Variants in STK39 observed in about 807,000 individuals in gnomAD.
STK39 encodes STE20/SPS1-related proline-alanine-rich protein kinase.
In STK39, 20 loss-of-function variants were observed where a neutral mutation model predicts 77.8. That is an observed-to-expected ratio of 0.26 (90% CI 0.18 to 0.37). STK39 has a LOEUF of 0.37. Among genes scored for constraint, STK39 ranks in the 10% least tolerant of loss-of-function variants. STK39 has a pLI of 1.00. For synonymous variants in STK39, 246 were observed against 234.1 expected, an observed-to-expected ratio of 1.05 and a Z score of -0.47; for missense variants, 479 against 656.5, an observed-to-expected ratio of 0.73 and a Z score of 2.95.
chr2:167,960,287 C>T (rs755501441), intron 17 of STK39, among the ~76,000 whole-genome samples: 21 of 152,020 alleles, frequency 1.4e-4, no homozygotes, highest in Non-Finnish European at 1.8e-4. Context: ...GATGAACCCT[C>T]GTCCCAGCCC....
At chr2:168,165,352 C>A (rs1046107984) in intron 3 of STK39, among the ~76,000 whole-genome samples, 8 of 148,128 alleles carry the variant, frequency 5.4e-5, no homozygotes, top group African/African-American at 1.6e-4. Context: ...AGAAGATTCT[C>A]AGCTTCATAA....
At chr2:168,235,385 A>G (rs1483558183) in intron 1 of STK39, among the ~76,000 whole-genome samples, 1 of 152,108 alleles carries the variant, frequency 6.6e-6, no homozygotes, top group Non-Finnish European at 1.5e-5. Flanking sequence ...ACCAACAAGG[A>G]AACAATGTGA....
intron 14 of STK39, 39 bp downstream of exon 14, chr2:168,063,461 T>C (rs199872909): frequency 6.5e-6 from 10 of 1,550,018 alleles, no homozygotes; most frequent in South Asian, 4.7e-5. Flanking sequence ...AATTGTACTA[T>C]AGGAAAAACA....
Position 168,231,288 on chromosome 2 carries a change from T to C in STK39, c.208+15940A>G, listed in dbSNP as rs76982537. Reference sequence around the variant, plus strand: ...TTAGAAAATTAGTCTCATTTCTTCATAGGAGGACTGACAGAAATGGCTAAG... The same window carrying C: ...TTAGAAAATTAGTCTCATTTCTTCACAGGAGGACTGACAGAAATGGCTAAG... On this transcript the variant is annotated intron_variant, in intron 1 of 17. Transcript: ENST00000355999. Among the ~76,000 whole-genome samples the C allele has an allele frequency of 4.2e-3, 633 of 152,248 alleles. 16 individuals carry two copies. In the East Asian group the frequency reaches 0.067, roughly 16 times the overall value.
intron 17 of STK39, among the ~76,000 whole-genome samples, chr2:167,962,168 G>A (rs1204783806): frequency 6.6e-6 from 1 of 152,146 alleles, no homozygotes; most frequent in Non-Finnish European, 1.5e-5. Context: ...GCACTGAGAT[G>A]AAAATAATGA....
At chr2:168,213,486 G>A (rs1689945726) in intron 1 of STK39, among the ~76,000 whole-genome samples, 2 of 151,608 alleles carry the variant, frequency 1.3e-5, no homozygotes. Context: ...ATATATAGAG[G>A]ACCAGCCTGG....
intron 10 of STK39, among the ~76,000 whole-genome samples, chr2:168,088,517 C>A (rs963290145): frequency 7.2e-5 from 11 of 152,178 alleles, no homozygotes. Flanking sequence ...CTTCACAGTT[C>A]CTCACTGTTG....
At position 168,247,355 on chromosome 2, in the gene STK39, GGCC is replaced by G. The variant is rs549892329; in HGVS notation, c.78_80del (p.Ala27del). On this transcript the variant is annotated inframe_deletion, in exon 1 of 18. Coordinates refer to ENST00000355999, the MANE Select transcript of STK39 (RefSeq NM_013233.3). ...CCGGCGCTGCTGTCGCGGCCGCCGGGGCCGCCGCCGCCGCCGCTGTCACCGGGG... is the reference window on the plus strand; with the variant it reads ...CCGGCGCTGCTGTCGCGGCCGCCGGGGCCGCCGCCGCCGCTGTCACCGGGG... 388 of 1,011,962 alleles carry G rather than the reference GGCC, an allele frequency of 3.8e-4. No homozygotes were observed. The highest frequency in any genetic ancestry group is 2.4e-3 in the East Asian group (41 of 17,018). The allele number at this position is 1,011,962 out of a possible 1,614,324, so 62.7% of individuals were successfully genotyped here.
intron 2 of STK39, among the ~76,000 whole-genome samples, chr2:168,171,869 CACA>C (rs377463358): frequency 0.065 from 8,102 of 124,514 alleles, 586 homozygotes; most frequent in African/African-American, 0.17. Context: ...CCCTCCCCCC[CACA>C]CACAAAACAT....
chr2:168,093,432 C>T (rs1686578721), intron 10 of STK39, among the ~76,000 whole-genome samples: 1 of 152,172 alleles, frequency 6.6e-6, no homozygotes, highest in South Asian at 2.1e-4. Flanking sequence ...GGGAACTGCC[C>T]TTTATAAAAC....
Position 167,956,667 on chromosome 2 carries a change from G to GACACACACACACACACACACACAC in STK39, c.1564-1121_1564-1098dup, listed in dbSNP as rs762455680. Reference sequence around the variant, plus strand: ...GACCTCTCCCCCTTGCTTGCTTTTAGACACACACACACACACACACACACA... The same window carrying GACACACACACACACACACACACAC: ...GACCTCTCCCCCTTGCTTGCTTTTAGACACACACACACACACACACACACACACACACACACACACACACACACA... On this transcript the variant is annotated intron_variant, in intron 17 of 17. Transcript: ENST00000355999. 1.3e-3 allele frequency among the ~76,000 whole-genome samples: 62 copies of GACACACACACACACACACACACAC among 47,910 alleles called. 7 individuals carry two copies. The highest frequency in any genetic ancestry group is 5.9e-3 in the East Asian group (13 of 2,192). 31.4% of individuals were successfully genotyped at this position (47,910 alleles called of 152,430 possible).
rs142837126 is a variant in STK39 at position 168,159,049 on chromosome 2, A to G, written c.628+2738T>C. Reference sequence around the variant, plus strand: ...AAAAGGGAATTTATACATATGTAAAAGTGAGTGTTTCCCCTAAAAAAAAAC... The same window carrying G: ...AAAAGGGAATTTATACATATGTAAAGGTGAGTGTTTCCCCTAAAAAAAAAC... On this transcript the variant is annotated intron_variant, in intron 5 of 17. Transcript: ENST00000355999. 8.5e-5 allele frequency among the ~76,000 whole-genome samples: 13 copies of G among 152,338 alleles called. No homozygotes were observed. The East Asian group carries it at 1.9e-3, about 23-fold the overall frequency.
intron 1 of STK39, among the ~76,000 whole-genome samples, chr2:168,185,790 CA>C (rs1477576404): frequency 2.0e-5 from 3 of 152,016 alleles, no homozygotes; most frequent in Admixed American, 6.6e-5. Flanking sequence ...GCATTTAGTG[CA>C]AAAAAGCAGC....
chr2:168,064,967 T>C (rs1363188466), intron 13 of STK39, among the ~76,000 whole-genome samples: 5 of 152,242 alleles, frequency 3.3e-5, no homozygotes, highest in African/African-American at 9.6e-5. Context: ...AACAGAATTA[T>C]GAAAACAGGT....
chr2:168,161,631 GGAAAATA>G (rs1448557809), intron 5 of STK39, among the ~76,000 whole-genome samples, 149 bp downstream of exon 5: 2 of 152,108 alleles, frequency 1.3e-5, no homozygotes, highest in Non-Finnish European at 2.9e-5. Context: ...AAAACAATAA[GGAAAATA>G]TGTTATCCTT....
chr2:168,231,826 C>A, intron 1 of STK39: 1 of 222,490 alleles, frequency 4.5e-6, no homozygotes. Flanking sequence ...CCTGGTGATG[C>A]TCTGGGCTCC....
intron 10 of STK39, among the ~76,000 whole-genome samples, chr2:168,117,745 T>C (rs1295185033): frequency 6.6e-6 from 1 of 152,020 alleles, no homozygotes; most frequent in African/African-American, 2.4e-5. Flanking sequence ...GGTAAAGATG[T>C]GTTGAAGGCC....
At chr2:168,168,275 T>A (rs1172549776) in intron 2 of STK39, among the ~76,000 whole-genome samples, 2 of 152,140 alleles carry the variant, frequency 1.3e-5, no homozygotes, top group African/African-American at 2.4e-5. Flanking sequence ...ATAAATCACA[T>A]TTTTCTGGAA....
At chr2:167,982,776 AT>A (rs1683454031) in intron 16 of STK39, among the ~76,000 whole-genome samples, 1 of 152,182 alleles carries the variant, frequency 6.6e-6, no homozygotes, top group Admixed American at 6.5e-5. Flanking sequence ...AGAAGCTGCT[AT>A]TTTCCCCCCA....
Sources: allele counts gnomAD v4.1 joint callset (sites outside exome capture counted in the v4.1 genomes callset), GRCh38; gene constraint gnomAD v4.1.1; transcripts MANE v1.5; gene names NCBI Gene and HGNC (gene_info 2026-07-23, HGNC 2026-07-21).